ZNF254: variants seen among roughly 807,000 people sequenced by gnomAD.
The protein encoded by ZNF254 is CTD-2017D11.1.
In ZNF254, 10 loss-of-function variants were observed where a neutral mutation model predicts 12.4. The observed-to-expected ratio is 0.80, with a 90% CI of 0.50 to 1.36. The LOEUF (loss-of-function observed/expected upper bound fraction) is 1.36. ZNF254 is among the 40% of genes most tolerant of loss of function. The probability of loss-of-function intolerance (pLI) is 0.00; values close to 1 mark genes in which losing one functional copy is unlikely to be tolerated. For synonymous variants in ZNF254, 305 were observed against 253.4 expected (o/e 1.20, Z -1.93); for missense variants, 996 against 763.9 (o/e 1.30, Z -3.58).
At chr19:24,054,333 T>C (rs1970759970) in intron 2 of ZNF254, among the ~76,000 whole-genome samples, 1 of 152,178 alleles carries the variant, frequency 6.6e-6, no homozygotes, top group South Asian at 2.1e-4. Context: ...ACAGGTTAAA[T>C]GGTGACATAT....
At chr19:24,116,146 A>T (rs1021584210) in intron 3 of ZNF254, among the ~76,000 whole-genome samples, 1 of 151,908 alleles carries the variant, frequency 6.6e-6, no homozygotes, top group Non-Finnish European at 1.5e-5. Flanking sequence ...CTTCGTTTCA[A>T]CTTTGGTCAA....
chr19:24,117,180 C>T (rs938024526), intron 3 of ZNF254, among the ~76,000 whole-genome samples: 1 of 152,134 alleles, frequency 6.6e-6, no homozygotes, highest in Non-Finnish European at 1.5e-5. Context: ...TCTGCCTGTT[C>T]TCAGATCTCC....
At chr19:24,115,066 C>A (rs865781540) in intron 3 of ZNF254, among the ~76,000 whole-genome samples, 3 of 152,328 alleles carry the variant, frequency 2.0e-5, no homozygotes, top group African/African-American at 7.2e-5. Context: ...AACACTTTTA[C>A]ACTGTTGGTG....
At chr19:24,117,540 C>T (rs764015519) in intron 3 of ZNF254, among the ~76,000 whole-genome samples, 54 of 152,262 alleles carry the variant, frequency 3.5e-4, no homozygotes, top group Non-Finnish European at 6.5e-4. Context: ...TATTTAAGCC[C>T]GTCGGAAAAG....
chr19:24,093,657 G>A (rs965461790), intron 1 of ZNF254, among the ~76,000 whole-genome samples: 5 of 152,204 alleles, frequency 3.3e-5, no homozygotes, highest in Non-Finnish European at 5.9e-5. Flanking sequence ...GTTTGTTTTT[G>A]TACCAGTTCC....
At position 24,087,278 on chromosome 19, in the gene ZNF254, A is replaced by G. The variant is rs1231394239; in HGVS notation, c.-30A>G. Reference sequence around the variant, plus strand: ...GAGGCCCAGCCTCTGTGGCGCTGTTACCAGCAGGTATTGGAGATCCACAGC... The same window carrying G: ...GAGGCCCAGCCTCTGTGGCGCTGTTGCCAGCAGGTATTGGAGATCCACAGC... On this transcript the variant is annotated 5_prime_UTR_variant, in exon 1 of 4. Coordinates refer to ENST00000357002, the MANE Select transcript of ZNF254 (RefSeq NM_203282.4). The G allele has an allele frequency of 6.2e-7, 1 of 1,612,814 alleles. No individual in the cohort carries two copies. The highest frequency in any genetic ancestry group is 1.1e-5 in the South Asian group (1 of 91,062).
intron 3 of ZNF254, among the ~76,000 whole-genome samples, chr19:24,114,985 A>G (rs1409627738): frequency 1.3e-5 from 2 of 152,300 alleles, no homozygotes; most frequent in Non-Finnish European, 2.9e-5. Context: ...TTACCATTTC[A>G]CACCAGTTAG....
chr19:24,103,392 A>C (rs1274458413), intron 1 of ZNF254, among the ~76,000 whole-genome samples: 1 of 152,192 alleles, frequency 6.6e-6, no homozygotes, highest in African/African-American at 2.4e-5. Flanking sequence ...AGTGGGGCCA[A>C]TTTTACAAAG....
chr19:24,098,968 T>G (rs919250427), intron 1 of ZNF254: 3 of 150,256 alleles, frequency 2.0e-5, no homozygotes, highest in African/African-American at 7.4e-5. Flanking sequence ...AGGCTCTTCT[T>G]CTGCAGCTCA....
rs1974869706 is a variant in ZNF254 at position 24,126,651 on chromosome 19, A to G, written c.651A>G (p.Lys217=). The G allele has an allele frequency of 6.2e-7, 1 of 1,611,932 alleles. No individual in the cohort carries two copies. ...EKSYKCKECG[K]TFNWSSTLTN... ...CCTACAAATGTAAAGAATGTGGAAA[A>G]ACCTTTAATTGGTCCTCAACCCTTA... Residue 217 remains lysine (K), a synonymous_variant, in exon 4 of 4, where the codon AAA becomes AAG. Coordinates refer to ENST00000357002, the MANE Select transcript of ZNF254 (RefSeq NM_203282.4).
intron 1 of ZNF254, among the ~76,000 whole-genome samples, chr19:24,103,577 C>T (rs899220344): frequency 2.0e-5 from 3 of 152,142 alleles, no homozygotes; most frequent in African/African-American, 7.2e-5. Context: ...CCTCATGTGA[C>T]TCTCAGGTGC....
intron 1 of ZNF254, among the ~76,000 whole-genome samples, chr19:24,041,705 C>A (rs369988666): frequency 6.6e-6 from 1 of 151,240 alleles, no homozygotes; most frequent in Admixed American, 6.6e-5. Flanking sequence ...TGCGAGCGCA[C>A]GGCGCAGGAC....
At position 24,127,134 on chromosome 19, in the gene ZNF254, C is replaced by T. The variant is rs772117704; in HGVS notation, c.1134C>T (p.Tyr378=). ...HKIIHTGEKR[Y]KCLECGKAFK... ...TAATTCATACTGGAGAGAAACGCTA[C>T]AAATGCTTAGAATGTGGCAAAGCTT... Residue 378 remains tyrosine, a synonymous_variant, in exon 4 of 4, where the codon TAC becomes TAT. Transcript: ENST00000357002. 4.3e-6 allele frequency: 7 copies of T among 1,613,456 alleles called. No individual in the cohort carries two copies. The highest frequency in any genetic ancestry group is 1.3e-5 in the African/African-American group (1 of 74,840).
chr19:24,087,167 G>A (rs1599673524), upstream of ZNF254: 3 of 1,110,372 alleles, frequency 2.7e-6, no homozygotes, highest in East Asian at 2.6e-5. Flanking sequence ...TGGACAAAGC[G>A]GCTTCCGGGA....
chr19:24,110,984 G>A (rs1423455245), intron 3 of ZNF254, among the ~76,000 whole-genome samples: 1 of 151,160 alleles, frequency 6.6e-6, no homozygotes, highest in African/African-American at 2.4e-5. Flanking sequence ...CAAGTTTTAG[G>A]GTACATGTGC....
At chr19:24,109,461 T>A (rs1460266316) in intron 3 of ZNF254, among the ~76,000 whole-genome samples, 1 of 152,196 alleles carries the variant, frequency 6.6e-6, no homozygotes, top group Non-Finnish European at 1.5e-5. Flanking sequence ...GTTTTTTAAG[T>A]GCAGGTTTCT....
intron 3 of ZNF254, among the ~76,000 whole-genome samples, chr19:24,111,823 GA>G (rs1449790468): frequency 6.7e-6 from 1 of 150,302 alleles, no homozygotes; most frequent in African/African-American, 2.4e-5. Flanking sequence ...AAATTTGTTT[GA>G]GTTCATTGTA....
Position 24,126,719 on chromosome 19 carries a change from G to T in ZNF254, c.719G>T (p.Cys240Phe). 6.2e-7 allele frequency: 1 copy of T among 1,613,410 alleles called. No individual in the cohort carries two copies. The highest frequency in any genetic ancestry group is 8.5e-7 in the Non-Finnish European group (1 of 1,179,748). ...TATACTGAAGAGAAACCTTACAAAT[G>T]TGAAGAATATAACAAATCTCCTAAG... is the stretch of plus-strand genomic sequence containing the variant. Reference protein sequence around the residue: ...KIYTEEKPYKCEEYNKSPKQL... With the variant: ...KIYTEEKPYKFEEYNKSPKQL... The change falls in exon 4 of 4, where the codon TGT becomes TTT. Residue 240 changes from cysteine (C) to phenylalanine (F), a missense_variant. Coordinates refer to ENST00000357002, the MANE Select transcript of ZNF254 (RefSeq NM_203282.4).
At chr19:24,119,859 G>T (rs1287975814) in intron 3 of ZNF254, among the ~76,000 whole-genome samples, 4 of 151,960 alleles carry the variant, frequency 2.6e-5, no homozygotes, top group African/African-American at 9.7e-5. Flanking sequence ...TTATGTGTTT[G>T]AGTGGTATGT....
Sources: allele counts gnomAD v4.1 joint callset (sites outside exome capture counted in the v4.1 genomes callset), GRCh38; gene constraint gnomAD v4.1.1; transcripts MANE v1.5; gene names NCBI Gene and HGNC (gene_info 2026-07-23, HGNC 2026-07-21).